TRIQK: variants seen among roughly 807,000 people sequenced by gnomAD.
The protein encoded by TRIQK is triple QxxK/R motif-containing protein.
In TRIQK, 10 loss-of-function variants were observed where a neutral mutation model predicts 10.8. The observed-to-expected ratio is 0.92, with a 90% CI of 0.57 to 1.57. The LOEUF is 1.57. Ranked by LOEUF, TRIQK falls within the 40% of genes most tolerant of loss-of-function variation. TRIQK has a pLI of 0.00. For synonymous variants in TRIQK, 33 were observed against 33.7 expected (o/e 0.98, Z 0.07); for missense variants, 107 against 97.7 (o/e 1.09, Z -0.40).
intron 2 of TRIQK, among the ~76,000 whole-genome samples, chr8:92,922,002 T>G (rs1810217647): frequency 6.6e-6 from 1 of 151,852 alleles, no homozygotes; most frequent in African/African-American, 2.4e-5. Context: ...AAAACCTATT[T>G]TTCTAATCAT....
intron 2 of TRIQK, among the ~76,000 whole-genome samples, chr8:92,933,336 T>C (rs1810827394): frequency 6.6e-6 from 1 of 152,160 alleles, no homozygotes; most frequent in African/African-American, 2.4e-5. Flanking sequence ...GTGAGTCACC[T>C]ATGAAACAAA....
chr8:92,932,735 CATTT>C (rs1461557894), intron 2 of TRIQK, among the ~76,000 whole-genome samples: 2 of 151,900 alleles, frequency 1.3e-5, no homozygotes, highest in African/African-American at 2.4e-5. Context: ...TCCTTCTCTC[CATTT>C]ATTTATTCAT....
In TRIQK at chr8:93,010,415, ATACT is replaced by A. The variant is rs534571764; in HGVS notation, c.-181+7190_-181+7193del. Reference sequence around the variant, plus strand: ...ATTATGTGTCCATTAAAAAAATAAAATACTTAAGGTAGTCAAAGCATAAGAAGTA... The same window carrying A: ...ATTATGTGTCCATTAAAAAAATAAAATAAGGTAGTCAAAGCATAAGAAGTA... On this transcript the variant is annotated intron_variant, in intron 1 of 4. Transcript: ENST00000520686. Among the ~76,000 whole-genome samples, 323 of 152,246 alleles carry A rather than the reference ATACT, an allele frequency of 2.1e-3. 2 individuals carry two copies. Among genetic ancestry groups the A allele is most frequent in the African/African-American group, 5.6e-3 (233 of 41,562 alleles).
At chr8:92,970,301 A>G (rs189406090), upstream of TRIQK, among the ~76,000 whole-genome samples, 32 of 152,320 alleles carry the variant, frequency 2.1e-4, no homozygotes, top group Admixed American at 1.0e-3. Context: ...TCCTTTGGGT[A>G]TATACCAAGC....
At chr8:92,896,320 C>T (rs1188172548) in intron 3 of TRIQK, among the ~76,000 whole-genome samples, 1 of 152,202 alleles carries the variant, frequency 6.6e-6, no homozygotes, top group East Asian at 1.9e-4. Context: ...TTACTGATTT[C>T]ATGAGCTGTG....
At chr8:92,919,204 G>T (rs868364494) in intron 2 of TRIQK, among the ~76,000 whole-genome samples, 13 of 151,854 alleles carry the variant, frequency 8.6e-5, no homozygotes, top group Admixed American at 7.2e-4. Flanking sequence ...AGCTATTGGG[G>T]ATCTTCTGGG....
chr8:92,949,364 T>C (rs978951271), intron 2 of TRIQK, among the ~76,000 whole-genome samples: 2 of 152,174 alleles, frequency 1.3e-5, no homozygotes, highest in African/African-American at 4.8e-5. Flanking sequence ...ACAGTAAGAA[T>C]ACCTATCTCA....
At chr8:92,903,792 G>A (rs1385293591) in intron 3 of TRIQK, among the ~76,000 whole-genome samples, 2 of 152,076 alleles carry the variant, frequency 1.3e-5, no homozygotes, top group African/African-American at 2.4e-5. Context: ...CGTTCAGGGT[G>A]ATAACTAATG....
chr8:93,004,927 A>G (rs922659907), intron 1 of TRIQK, among the ~76,000 whole-genome samples: 2 of 152,162 alleles, frequency 1.3e-5, no homozygotes, highest in African/African-American at 2.4e-5. Flanking sequence ...TTTGGCCACA[A>G]CCATTCAACA....
In TRIQK at chr8:93,007,766, G is replaced by A. The variant is rs979357340; in HGVS notation, c.-181+9843C>T. The stretch of plus-strand genomic sequence containing the variant: ...TCAATACCTGAATAGAGAAAGCAGA[G>A]GAAAACATTTCAGGGATTGAAGGCT... On this transcript the variant is annotated intron_variant, in intron 1 of 4. Coordinates refer to the TRIQK transcript ENST00000520686. 2.6e-5 allele frequency among the ~76,000 whole-genome samples: 4 copies of A among 152,272 alleles called. No homozygotes were observed. In the South Asian group the frequency reaches 6.2e-4, roughly 24 times the overall value.
chr8:92,926,771 T>C (rs1810469541), intron 2 of TRIQK, among the ~76,000 whole-genome samples: 1 of 152,222 alleles, frequency 6.6e-6, no homozygotes, highest in Non-Finnish European at 1.5e-5. Context: ...AGCTCTGTTT[T>C]CACTATGAAG....
At position 92,975,321 on chromosome 8, in the gene TRIQK, G is replaced by A. The variant is rs546742581; in HGVS notation, c.-180-20757C>T. Among the ~76,000 whole-genome samples, 20 of 152,278 alleles carry A rather than the reference G, an allele frequency of 1.3e-4. No homozygotes were observed. The East Asian group carries it at 2.3e-3, about 18-fold the overall frequency. On this transcript the variant is annotated intron_variant, in intron 1 of 4. Transcript: ENST00000520686. ...AGAAATCTCCGAGGAAGCCACCAAAGCCTAGACTTTTTGTGGGAGAATTTT... is the reference window on the plus strand; with the variant it reads ...AGAAATCTCCGAGGAAGCCACCAAAACCTAGACTTTTTGTGGGAGAATTTT...
At chr8:92,991,930 A>C (rs540699275) in intron 1 of TRIQK, among the ~76,000 whole-genome samples, 4 of 152,314 alleles carry the variant, frequency 2.6e-5, no homozygotes, top group South Asian at 2.1e-4. Flanking sequence ...TAAAATACCT[A>C]GGAATGCAAC....
chr8:92,994,247 T>C (rs1813127949), intron 1 of TRIQK, among the ~76,000 whole-genome samples: 1 of 152,198 alleles, frequency 6.6e-6, no homozygotes, highest in African/African-American at 2.4e-5. Context: ...TATTTCTCTC[T>C]GTTCTGTCTT....
chr8:92,954,258 G>A (rs1658522635), intron 2 of TRIQK, 148 bp downstream of exon 2: 1 of 151,852 alleles, frequency 6.6e-6, no homozygotes, highest in African/African-American at 2.4e-5. Flanking sequence ...TTTCCTTATT[G>A]TAAAACTGCC....
intron 1 of TRIQK, among the ~76,000 whole-genome samples, chr8:93,017,186 T>A (rs1813393403): frequency 7.0e-6 from 1 of 142,478 alleles, no homozygotes; most frequent in African/African-American, 2.6e-5. Context: ...GAAGAATATA[T>A]ACCAATATCA....
At chr8:93,009,412 C>A (rs182353637) in intron 1 of TRIQK, among the ~76,000 whole-genome samples, 1 of 152,088 alleles carries the variant, frequency 6.6e-6, no homozygotes, top group African/African-American at 2.4e-5. Flanking sequence ...GAGTTTGAGA[C>A]CAGCCTGGCC....
At chr8:92,901,443 GT>G (rs1554598788) in intron 3 of TRIQK, among the ~76,000 whole-genome samples, 1 of 151,922 alleles carries the variant, frequency 6.6e-6, no homozygotes, top group Non-Finnish European at 1.5e-5. Context: ...TTTTTGAGGG[GT>G]TTTTATCATG....
chr8:93,016,741 T>C (rs1813387415), intron 1 of TRIQK, among the ~76,000 whole-genome samples: 1 of 152,042 alleles, frequency 6.6e-6, no homozygotes, highest in Admixed American at 6.6e-5. Context: ...GGATGGGTGA[T>C]GAGGAGAGTG....
Sources: gnomAD v4.1 joint callset for allele counts (sites outside exome capture counted in the v4.1 genomes callset) on GRCh38, gnomAD v4.1.1 for gene constraint, MANE v1.5 for transcripts, NCBI Gene and HGNC (gene_info 2026-07-23, HGNC 2026-07-21) for gene names.